PPARGC1A: variants seen among roughly 807,000 people sequenced by gnomAD.
PPARGC1A encodes the protein peroxisome proliferator-activated receptor gamma coactivator 1-alpha.
A neutral mutation model predicts 88.7 loss-of-function variants in PPARGC1A; 25 were observed. The ratio of observed to expected loss-of-function variants is 0.28; its 90% CI spans 0.21 to 0.39. The LOEUF (loss-of-function observed/expected upper bound fraction) is 0.39, where lower values mean the gene tolerates loss of function less well. Ranked by LOEUF, PPARGC1A falls within the 10% of genes least tolerant of loss-of-function variation. The pLI, the probability that PPARGC1A is intolerant of heterozygous loss-of-function variation, is 1.00. For synonymous variants in PPARGC1A, 363 were observed against 355.6 expected (o/e 1.02, Z -0.24); for missense variants, 880 against 968.7 (o/e 0.91, Z 1.22).
the PPARGC1A span, among the ~76,000 whole-genome samples, chr4:23,926,471 G>A: frequency 2.0e-5 from 3 of 152,030 alleles, no homozygotes; most frequent in Admixed American, 2.0e-4. Flanking sequence ...TCTAAAACTT[G>A]ACTCTGGCTA....
At chr4:24,064,600 C>T in the PPARGC1A span, among the ~76,000 whole-genome samples, 1 of 152,076 alleles carries the variant, frequency 6.6e-6, no homozygotes, top group Admixed American at 6.6e-5. Flanking sequence ...TAAAGACACA[C>T]AGCTCATATA....
the PPARGC1A span, among the ~76,000 whole-genome samples, chr4:23,977,488 G>T: frequency 1.6e-4 from 24 of 152,176 alleles, no homozygotes; most frequent in African/African-American, 5.8e-4. Flanking sequence ...TCTTAGGAAA[G>T]TTGTCTATCT....
the PPARGC1A span, among the ~76,000 whole-genome samples, chr4:24,357,524 C>T: frequency 2.0e-5 from 3 of 152,222 alleles, no homozygotes; most frequent in African/African-American, 4.8e-5. Context: ...CTAAAATAGT[C>T]TGGGTTGAAG....
At chr4:23,908,577 G>A (rs1720349542), upstream of PPARGC1A, among the ~76,000 whole-genome samples, 1 of 151,526 alleles carries the variant, frequency 6.6e-6, no homozygotes, top group Admixed American at 6.6e-5. Flanking sequence ...TTCAATTCAT[G>A]TGTACAGTAG....
the PPARGC1A span, among the ~76,000 whole-genome samples, chr4:24,023,118 A>G: frequency 6.6e-6 from 1 of 152,136 alleles, no homozygotes. Flanking sequence ...ATCATTATTC[A>G]TGATTTTTGT....
At chr4:23,809,252 A>G (rs1720425930) in intron 10 of PPARGC1A, among the ~76,000 whole-genome samples, 3 of 152,156 alleles carry the variant, frequency 2.0e-5, no homozygotes, top group African/African-American at 7.2e-5. Flanking sequence ...TACTTTGGGG[A>G]TGCATTATGG....
the PPARGC1A span, among the ~76,000 whole-genome samples, chr4:24,316,765 T>A: frequency 6.6e-6 from 1 of 152,332 alleles, no homozygotes; most frequent in South Asian, 2.1e-4. Flanking sequence ...ACATCGCATA[T>A]GTAACTTGCC....
At chr4:24,147,154 A>G in the PPARGC1A span, among the ~76,000 whole-genome samples, 1 of 152,062 alleles carries the variant, frequency 6.6e-6, no homozygotes, top group Non-Finnish European at 1.5e-5. Context: ...TCACATTTAC[A>G]CTGGCCTTAT....
the PPARGC1A span, among the ~76,000 whole-genome samples, chr4:24,470,324 A>ACACACACACACACACACT: frequency 2.8e-5 from 3 of 107,780 alleles, no homozygotes; most frequent in African/African-American, 1.0e-4. The surrounding 1 kb of genome is among the most constrained non-coding windows in gnomAD (Gnocchi z 5.8). Context: ...ACACACACAC[A>ACACACACACACACACACT]CTCTCTCACA....
the PPARGC1A span, among the ~76,000 whole-genome samples, chr4:24,279,399 T>G: frequency 2.6e-5 from 4 of 152,046 alleles, no homozygotes; most frequent in Admixed American, 1.3e-4. Flanking sequence ...TTGGGTCACA[T>G]GTAGGGAAGG....
chr4:24,325,352 GA>G, the PPARGC1A span, among the ~76,000 whole-genome samples: 9 of 151,908 alleles, frequency 5.9e-5, no homozygotes, highest in African/African-American at 2.2e-4. Flanking sequence ...TACAATAATA[GA>G]AAAAAGTTGC....
rs777624142 is a variant in PPARGC1A at position 23,812,705 on chromosome 4, G to A, written c.2019+42C>T. 6.2e-6 allele frequency: 10 copies of A among 1,608,640 alleles called. No homozygotes were observed. In the Admixed American group the frequency reaches 1.7e-4, roughly 27 times the overall value. The stretch of plus-strand genomic sequence containing the variant: ...CCAAAAAAAGCACACAGAAAAAGAA[G>A]AAACCCTACTTTAAAATAAAAGTGA... On this transcript the variant is annotated intron_variant, in intron 10 of 12. Coordinates refer to ENST00000264867, the MANE Select transcript of PPARGC1A (RefSeq NM_013261.5).
At chr4:24,015,659 C>G in the PPARGC1A span, among the ~76,000 whole-genome samples, 11 of 152,036 alleles carry the variant, frequency 7.2e-5, no homozygotes, top group African/African-American at 2.7e-4. Context: ...GAGTGTAATG[C>G]ACTCTTGTGT....
At chr4:24,126,267 C>CCACACACACACACACA in the PPARGC1A span, among the ~76,000 whole-genome samples, 1,918 of 146,492 alleles carry the variant, frequency 0.013, 24 homozygotes, top group South Asian at 0.048. Context: ...TGGCTTCTCA[C>CCACACACACACACACA]CACACACACA....
At chr4:24,006,093 C>T in the PPARGC1A span, among the ~76,000 whole-genome samples, 2 of 152,130 alleles carry the variant, frequency 1.3e-5, no homozygotes, top group African/African-American at 2.4e-5. Flanking sequence ...CTCTGTCACC[C>T]AGGCTAGAGT....
the PPARGC1A span, among the ~76,000 whole-genome samples, chr4:24,105,635 AC>A: frequency 6.6e-6 from 1 of 152,098 alleles, no homozygotes; most frequent in Non-Finnish European, 1.5e-5. Flanking sequence ...TCGTCCATGG[AC>A]CACCCTTATA....
At chr4:24,054,806 G>C in the PPARGC1A span, among the ~76,000 whole-genome samples, 1 of 152,246 alleles carries the variant, frequency 6.6e-6, no homozygotes, top group East Asian at 1.9e-4. Flanking sequence ...CTGAATACAA[G>C]AAACAGTCAT....
At chr4:24,393,843 G>T in the PPARGC1A span, among the ~76,000 whole-genome samples, 7 of 152,282 alleles carry the variant, frequency 4.6e-5, no homozygotes, top group South Asian at 1.5e-3. Flanking sequence ...TTTTCGCCGG[G>T]CATAGTGGCT....
At chr4:24,225,143 G>C in the PPARGC1A span, among the ~76,000 whole-genome samples, 2 of 152,304 alleles carry the variant, frequency 1.3e-5, no homozygotes, top group East Asian at 3.9e-4. Context: ...GATGGAACTA[G>C]TTTTTAACAG....
Sources: gnomAD v4.1 joint callset for allele counts (sites outside exome capture counted in the v4.1 genomes callset) on GRCh38, gnomAD v4.1.1 for gene constraint, Gnocchi (gnomAD v3.1) non-coding constraint, MANE v1.5 for transcripts, NCBI Gene and HGNC (gene_info 2026-07-23, HGNC 2026-07-21) for gene names.